SUGP2: variants seen among roughly 807,000 people sequenced by gnomAD.
SUGP2 encodes the protein SURP and G-patch domain-containing protein 2.
A neutral mutation model predicts 90.5 loss-of-function variants in SUGP2; 24 were observed. That is an observed-to-expected ratio of 0.27 (90% CI 0.19 to 0.37). SUGP2 has a LOEUF of 0.37. SUGP2 is among the 10% of genes least tolerant of loss of function. SUGP2 has a pLI of 1.00. For missense variants in SUGP2, 1,233 were observed against 1,363.3 expected (o/e 0.90, Z 1.51); for synonymous variants, 473 against 513.4 (o/e 0.92, Z 1.06).
chr19:18,997,549 C>T (rs1479359851), intron 8 of SUGP2, among the ~76,000 whole-genome samples: 2 of 152,082 alleles, frequency 1.3e-5, no homozygotes, highest in African/African-American at 2.4e-5. Context: ...CTTTGGGAGG[C>T]CAAGGTGCGT....
rs777073523 is a variant in SUGP2 at position 19,025,954 on chromosome 19, G to T, written c.394C>A (p.Arg132Ser). Residue 132 changes from arginine (R) to serine (S), a missense_variant, in exon 3 of 11, where the codon CGT (arginine) becomes AGT (serine). By Grantham distance (110) the Arg-to-Ser change is moderately radical. Transcript: ENST00000452918. Reference protein sequence around the residue: ...VIGHRKLGHFRSQDWKFALRG... With the variant: ...VIGHRKLGHFSSQDWKFALRG... ...AGCGCAAATTTCCAGTCCTGAGAAC[G>T]GAAATGCCCCAATTTCCGGTGGCCA... 6.2e-6 allele frequency: 10 copies of T among 1,614,018 alleles called. No homozygotes were observed. The highest frequency in any genetic ancestry group is 1.7e-5 in the Admixed American group (1 of 59,982).
In SUGP2 at chr19:18,995,259, C is replaced by A. The variant is rs1003803618; in HGVS notation, c.3013G>T (p.Ala1005Ser). The change falls in exon 9 of 11, where the codon GCC (alanine) becomes TCC (serine). Residue 1005 changes from alanine (A) to serine (S), a missense_variant. Physicochemically the swap from Ala to Ser is moderately conservative, Grantham distance 99. Coordinates refer to ENST00000452918, the MANE Select transcript of SUGP2 (RefSeq NM_001017392.5). ...TTCTTATCGGTCAGCTTCTGCTGGG[C>A]GAAGTCCAAGTCCTTGGGTTTCTGA... ...KKKKPKDLDF[A>S]QQKLTDKNLG... 2 of 1,610,280 alleles carry A rather than the reference C, an allele frequency of 1.2e-6. No homozygotes were observed. The highest frequency in any genetic ancestry group is 1.7e-6 in the Non-Finnish European group (2 of 1,178,854).
intron 3 of SUGP2, among the ~76,000 whole-genome samples, chr19:19,019,848 GA>G (rs1459358891): frequency 1.1e-3 from 132 of 116,836 alleles, no homozygotes; most frequent in Middle Eastern, 4.8e-3. Context: ...AAAAAAAAAA[GA>G]AAAAAAAAAA....
chr19:19,023,143 C>T (rs982671331), intron 3 of SUGP2, among the ~76,000 whole-genome samples: 1 of 152,148 alleles, frequency 6.6e-6, no homozygotes, highest in African/African-American at 2.4e-5. Context: ...AAGTGATTCA[C>T]CAACTTTAGC....
At position 18,993,721 on chromosome 19, in the gene SUGP2, T is replaced by C. The variant is rs979581347; in HGVS notation, c.*20A>G. On this transcript the variant is annotated 3_prime_UTR_variant, in exon 11 of 11. Transcript: ENST00000452918. Reference sequence around the variant, plus strand: ...GCAATTGCTGCTTCAAGGCTTATCTTTCACATCAGTGGTTTTGATCTATTC... The same window carrying C: ...GCAATTGCTGCTTCAAGGCTTATCTCTCACATCAGTGGTTTTGATCTATTC... 1 of 152,510 alleles carries C rather than the reference T, an allele frequency of 6.6e-6. No homozygotes were observed. The highest frequency in any genetic ancestry group is 2.4e-5 in the African/African-American group (1 of 41,396). The allele number at this position is 152,510 out of a possible 1,614,324, so 9.4% of individuals were successfully genotyped here. A position where few individuals can be genotyped will look rare whatever the true frequency, so the allele number is the denominator to read the frequency against.
chr19:18,994,671 G>A, intron 9 of SUGP2, 185 bp from the exon 10 acceptor site: 1 of 800,756 alleles, frequency 1.2e-6, no homozygotes, highest in Non-Finnish European at 1.9e-6. Context: ...TCGAAGAGCT[G>A]GCTTTTGAGG....
At chr19:19,023,081 CT>C (rs1223865718) in intron 3 of SUGP2, among the ~76,000 whole-genome samples, 1 of 152,124 alleles carries the variant, frequency 6.6e-6, no homozygotes, top group Non-Finnish European at 1.5e-5. Context: ...CCTCCTTGGC[CT>C]TTTCCTCTCC....
At chr19:18,995,798 T>C (rs1201946681) in intron 8 of SUGP2, among the ~76,000 whole-genome samples, 1 of 152,180 alleles carries the variant, frequency 6.6e-6, no homozygotes, top group Non-Finnish European at 1.5e-5. Context: ...ATTGTCTGTC[T>C]GTCCTCAGGA....
Position 19,004,635 on chromosome 19 carries a change from T to G in SUGP2, c.2462A>C (p.Asp821Ala). The G allele has an allele frequency of 6.2e-7, 1 of 1,605,330 alleles. No homozygotes were observed. The highest frequency in any genetic ancestry group is 8.5e-7 in the Non-Finnish European group (1 of 1,174,488). The change falls in exon 7 of 11, where the codon GAC becomes GCC. Residue 821 changes from aspartate to alanine, a missense_variant. Asp to Ala is a moderately radical substitution (Grantham distance 126). Around this residue, in one of 8 missense-constraint regions of SUGP2, gnomAD observed 540 missense variants for 542.6 expected, o/e 1.00. Coordinates refer to ENST00000452918, the MANE Select transcript of SUGP2 (RefSeq NM_001017392.5). ...GAATTTGAAAGCAGAACTATTTTGG[T>G]CATGTAGAAACCTGGGGCACAGAGG... Reference protein sequence around the residue: ...TDNPDLWFLHDQNSSAFKFYR... With the variant: ...TDNPDLWFLHAQNSSAFKFYR...
At chr19:19,018,657 A>G (rs1382897720) in intron 4 of SUGP2, among the ~76,000 whole-genome samples, 1 of 128,272 alleles carries the variant, frequency 7.8e-6, no homozygotes, top group Non-Finnish European at 1.6e-5. Flanking sequence ...ACTGCACTCC[A>G]GCCTGGGCGA....
chr19:19,008,275 T>A (rs372822806), intron 6 of SUGP2, 42 bp downstream of exon 6: 13 of 1,486,398 alleles, frequency 8.7e-6, no homozygotes, highest in Non-Finnish European at 1.2e-5. Context: ...TTTGTCTCTC[T>A]GAGAAAGAAA....
chr19:19,014,277 G>T (rs1320813551), intron 4 of SUGP2, among the ~76,000 whole-genome samples: 1 of 152,152 alleles, frequency 6.6e-6, no homozygotes, highest in Non-Finnish European at 1.5e-5. Context: ...ACAGGTGTGA[G>T]TAACCGCACC....
chr19:19,000,381 C>T lies in SUGP2; in HGVS notation c.2991+1232G>A, dbSNP rs1333608124. ...CTGCTTCTCTTTGCCCACAGCATCC[C>T]CAGGACTGCCTCATCCATTTCTCTT... On this transcript the variant is annotated intron_variant, in intron 8 of 10. Transcript: ENST00000452918. Among the ~76,000 whole-genome samples, 3 of 152,194 alleles carry T rather than the reference C, an allele frequency of 2.0e-5. No individual in the cohort carries two copies. In the East Asian group the frequency reaches 5.8e-4, roughly 29 times the overall value.
chr19:19,032,509 G>T (rs935958694), intron 1 of SUGP2, among the ~76,000 whole-genome samples: 1 of 152,078 alleles, frequency 6.6e-6, no homozygotes, highest in Non-Finnish European at 1.5e-5. Flanking sequence ...CAGAGGCTCT[G>T]AGAACTTCCT....
intron 7 of SUGP2, 40 bp from the exon 8 acceptor site, chr19:19,001,714 C>CT (rs752247051): frequency 2.5e-6 from 4 of 1,601,688 alleles, no homozygotes; most frequent in Non-Finnish European, 3.4e-6. Context: ...CATACATGTG[C>CT]TTTTCCTAAA....
At chr19:19,026,257 A>G in intron 2 of SUGP2, 31 bp from the exon 3 acceptor site, 3 of 1,481,188 alleles carry the variant, frequency 2.0e-6, no homozygotes, top group South Asian at 2.7e-5. Flanking sequence ...AAAAAAAAGA[A>G]GAAGCCAAAA....
Position 19,025,490 on chromosome 19 carries a change from T to G in SUGP2, c.858A>C (p.Pro286=), listed in dbSNP as rs34471092. The stretch of plus-strand genomic sequence containing the variant: ...TGGGGAACTGGATATCTTCTGTCCC[T>G]GGGTTTGTCCCCAGGGTCACATCAG... The part of the protein sequence containing the change: ...PSPDVTLGTN[P]GTEDIQFPIQ... The change falls in exon 3 of 11, where the codon CCA becomes CCC. Residue 286 remains proline (P), a synonymous_variant. Transcript: ENST00000452918. 5.6e-6 allele frequency: 9 copies of G among 1,614,186 alleles called. No individual in the cohort carries two copies. Among genetic ancestry groups the G allele is most frequent in the Non-Finnish European group, 5.9e-6 (7 of 1,180,026 alleles).
At chr19:19,008,837 G>A (rs1231281364) in intron 5 of SUGP2, among the ~76,000 whole-genome samples, 6 of 152,168 alleles carry the variant, frequency 3.9e-5, no homozygotes, top group Admixed American at 2.0e-4. Context: ...GCCACTGACC[G>A]CAGACATGTG....
chr19:19,000,461 G>A (rs1214728369), intron 8 of SUGP2, among the ~76,000 whole-genome samples: 1 of 152,204 alleles, frequency 6.6e-6, no homozygotes, highest in Non-Finnish European at 1.5e-5. Flanking sequence ...GACCTGGCAC[G>A]TAGGAGGTGC....
Sources: allele counts gnomAD v4.1 joint callset (sites outside exome capture counted in the v4.1 genomes callset), GRCh38; gene constraint gnomAD v4.1.1; regional missense constraint gnomAD v4.1.1; transcripts MANE v1.5; gene names NCBI Gene and HGNC (gene_info 2026-07-23, HGNC 2026-07-21).